SELENOV: variants seen among roughly 807,000 people sequenced by gnomAD.
SELENOV encodes the protein selenoprotein V.
In SELENOV, 25 loss-of-function variants were observed where a neutral mutation model predicts 21.6. The observed-to-expected ratio is 1.16, with a 90% CI of 0.84 to 1.62. The LOEUF (loss-of-function observed/expected upper bound fraction) is 1.62, where lower values mean the gene tolerates loss of function less well. Among genes scored for constraint, SELENOV ranks in the 40% most tolerant of loss-of-function variants. The pLI is 0.00. For synonymous variants in SELENOV, 227 were observed against 216.9 expected, an observed-to-expected ratio of 1.05 and a Z score of -0.41; for missense variants, 472 against 459.0, an observed-to-expected ratio of 1.03 and a Z score of -0.26.
At chr19:39,517,416 G>C (rs912884281) in intron 1 of SELENOV, among the ~76,000 whole-genome samples, 4 of 151,926 alleles carry the variant, frequency 2.6e-5, no homozygotes, top group Non-Finnish European at 2.9e-5. Flanking sequence ...GGTGTGGAGG[G>C]GCAAGCAAAA....
At chr19:39,517,482 T>C (rs531459510) in intron 1 of SELENOV, among the ~76,000 whole-genome samples, 10 of 152,030 alleles carry the variant, frequency 6.6e-5, no homozygotes, top group Admixed American at 1.3e-4. Context: ...TGATCCGTAC[T>C]GTGAACAAAA....
chr19:39,519,540 C>T (rs2079718067), intron 5 of SELENOV, among the ~76,000 whole-genome samples: 1 of 151,916 alleles, frequency 6.6e-6, no homozygotes, highest in Non-Finnish European at 1.5e-5. Context: ...GTGGCTCACG[C>T]CTGTAATCCC....
chr19:39,519,490 T>G (rs9989713), intron 5 of SELENOV, among the ~76,000 whole-genome samples: 13,710 of 150,994 alleles, frequency 0.091, 714 homozygotes, highest in East Asian at 0.16. Flanking sequence ...CTACAAAAAA[T>G]AATAAATAAA....
In SELENOV at chr19:39,515,319, C is replaced by T; in HGVS notation, c.107C>T (p.Pro36Leu). The T allele has an allele frequency of 1.3e-6, 2 of 1,551,312 alleles. No homozygotes were observed. The highest frequency in any genetic ancestry group is 8.7e-7 in the Non-Finnish European group (1 of 1,146,818). Residue 36 changes from proline (P) to leucine (L), a missense_variant, in exon 1 of 6, where the codon CCG becomes CTG. Pro to Leu is a moderately conservative substitution (Grantham distance 98, BLOSUM62 -3). Transcript: ENST00000335426. This position sits in a 1 kb window ranked among gnomAD's most constrained non-coding sequence, Gnocchi z 5.1. ...CCGACTCCACTCCGGACCCCGACTC[C>T]GGTCCGGACTCGGACCCCCATCCGG...
At chr19:39,518,549 T>C (rs984569179) in intron 1 of SELENOV, 59 bp from the exon 2 acceptor site, 1 of 1,521,694 alleles carries the variant, frequency 6.6e-7, no homozygotes, top group Non-Finnish European at 9.0e-7. Context: ...GGGAAGATAC[T>C]GATGCGGTGT....
At position 39,515,616 on chromosome 19, in the gene SELENOV, G is replaced by A; in HGVS notation, c.404G>A (p.Arg135Gln). 1 of 1,548,348 alleles carries A rather than the reference G, an allele frequency of 6.5e-7. No homozygotes were observed. The change falls in exon 1 of 6, where the codon CGG (arginine) becomes CAG (glutamine). Residue 135 changes from arginine (R) to glutamine (Q), a missense_variant. Transcript: ENST00000335426. This position sits in a 1 kb window ranked among gnomAD's most constrained non-coding sequence, Gnocchi z 5.1. ...CCAGCCCAGCTCCTGGCAGGGATTC[G>A]GGCCGCGCTCCCCGTCTTGGACTCC...
intron 1 of SELENOV, among the ~76,000 whole-genome samples, chr19:39,517,384 G>A (rs1420820065): frequency 6.6e-6 from 1 of 152,096 alleles, no homozygotes; most frequent in African/African-American, 2.4e-5. Context: ...CGAGATCCCC[G>A]TCCTTGTGGC....
At chr19:39,517,958 C>G (rs1210942170) in intron 1 of SELENOV, among the ~76,000 whole-genome samples, 7 of 20,528 alleles carry the variant, frequency 3.4e-4, no homozygotes, top group African/African-American at 1.3e-3. Flanking sequence ...GAGCAAGACT[C>G]TGTCTCAAAA....
At position 39,519,190 on chromosome 19, in the gene SELENOV, G is replaced by A; in HGVS notation, c.*22+20G>A. Reference sequence around the variant, plus strand: ...CTGGAGGTGAGCGTGGAGCTCCCAAGGCTGCGGTGGGAGGGGTGGAGGCCG... The same window carrying A: ...CTGGAGGTGAGCGTGGAGCTCCCAAAGCTGCGGTGGGAGGGGTGGAGGCCG... On this transcript the variant is annotated intron_variant, in intron 5 of 5. Coordinates refer to ENST00000335426, the Ensembl canonical transcript of SELENOV. 6.4e-7 allele frequency: 1 copy of A among 1,570,054 alleles called. No homozygotes were observed. The highest frequency in any genetic ancestry group is 8.8e-7 in the Non-Finnish European group (1 of 1,142,824).
chr19:39,519,159 G>A, exon 5 of SELENOV: 3 of 1,613,156 alleles, frequency 1.9e-6, no homozygotes, highest in Non-Finnish European at 2.5e-6. Context: ...CCGGCAAGGG[G>A]TGGAGCTGGA....
At chr19:39,516,113 T>C (rs1359977829) in intron 1 of SELENOV, 92 bp downstream of exon 1, 1 of 1,143,534 alleles carries the variant, frequency 8.7e-7, no homozygotes, top group Admixed American at 2.0e-5. Context: ...AGGGTTGGGG[T>C]AGGGCGAGGG....
In SELENOV at chr19:39,517,991, A is replaced by AG. The variant is rs1555756163; in HGVS notation, c.810-616dup. On this transcript the variant is annotated intron_variant, in intron 1 of 5. Coordinates refer to ENST00000335426, the Ensembl canonical transcript of SELENOV. Reference sequence around the variant, plus strand: ...AAAAAAAAAAAAAAAAAAAAAAAAAAGCCCAGCGCGGTGGCTCACGCCTGT... The same window carrying AG: ...AAAAAAAAAAAAAAAAAAAAAAAAAAGGCCCAGCGCGGTGGCTCACGCCTGT... Among the ~76,000 whole-genome samples the AG allele has an allele frequency of 1.1e-4, 10 of 92,090 alleles. 3 individuals carry two copies. In the South Asian group the frequency reaches 2.5e-3, roughly 23 times the overall value. 60.4% of individuals were successfully genotyped at this position (92,090 alleles called of 152,430 possible).
At chr19:39,519,235 G>A in intron 5 of SELENOV, 65 bp downstream of exon 5, 1 of 1,100,908 alleles carries the variant, frequency 9.1e-7, no homozygotes. Flanking sequence ...ATGGGGCAGG[G>A]CTCTGTCTCA....
rs1018391496 is a variant in SELENOV at position 39,515,436 on chromosome 19, C to T, written c.224C>T (p.Thr75Ile). Residue 75 changes from threonine to isoleucine, a missense_variant, in exon 1 of 6, where the codon ACT (threonine) becomes ATT (isoleucine). By Grantham distance (89) the Thr-to-Ile change is moderately conservative (BLOSUM62 -1). Transcript: ENST00000335426. The surrounding 1 kb of genome is among the most constrained non-coding windows in gnomAD (Gnocchi z 5.1). ...GCCCAGATTCCCACTCTGGTCCCCACTCCCGCTCTGGCCCGGATCCCCCGT... is the reference window on the plus strand; with the variant it reads ...GCCCAGATTCCCACTCTGGTCCCCATTCCCGCTCTGGCCCGGATCCCCCGT... 13 of 1,551,536 alleles carry T rather than the reference C, an allele frequency of 8.4e-6. No individual in the cohort carries two copies. The African/African-American group carries it at 1.6e-4, about 20-fold the overall frequency.
Position 39,515,251 on chromosome 19 carries a change from G to T in SELENOV, c.39G>T (p.Ala13=). 6.5e-7 allele frequency: 1 copy of T among 1,550,006 alleles called. No individual in the cohort carries two copies. The highest frequency in any genetic ancestry group is 8.7e-7 in the Non-Finnish European group (1 of 1,146,662). ...CGCGGACCCCAGCCCCCTCCTCGGC[G>T]CGGACTTCAACCTCAGTCCGGGCTT... Residue 13 remains alanine (A), a synonymous_variant, in exon 1 of 6, where the codon GCG becomes GCT. Transcript: ENST00000335426. The surrounding 1 kb of genome is among the most constrained non-coding windows in gnomAD (Gnocchi z 5.1).
chr19:39,519,869 G>A (rs1234860203), intron 5 of SELENOV, among the ~76,000 whole-genome samples: 1 of 151,374 alleles, frequency 6.6e-6, no homozygotes, highest in Non-Finnish European at 1.5e-5. Context: ...GAAGGCTGAG[G>A]CAGGAGAATG....
exon 3 of SELENOV, chr19:39,518,756 A>G (rs56149652): frequency 0.25 from 400,636 of 1,612,910 alleles, 50,609 homozygotes; most frequent in East Asian, 0.34. Context: ...CTACTGAAAA[A>G]GAGCCTGGAG....
Position 39,515,421 on chromosome 19 carries a change from C to T in SELENOV, c.209C>T (p.Pro70Leu), listed in dbSNP as rs939554396. Residue 70 changes from proline (P) to leucine (L), a missense_variant, in exon 1 of 6, where the codon CCC becomes CTC. Transcript: ENST00000335426. The surrounding 1 kb of genome is among the most constrained non-coding windows in gnomAD (Gnocchi z 5.1). ...CTGACTCCTGCTCCAGCCCAGATTC[C>T]CACTCTGGTCCCCACTCCCGCTCTG... The T allele has an allele frequency of 1.9e-6, 3 of 1,551,440 alleles. No homozygotes were observed. Among genetic ancestry groups the T allele is most frequent in the East Asian group, 2.4e-5 (1 of 40,920 alleles).
Position 39,515,591 on chromosome 19 carries a change from C to G in SELENOV, c.379C>G (p.Pro127Ala), listed in dbSNP as rs1358567732. The G allele has an allele frequency of 6.5e-7, 1 of 1,549,046 alleles. No homozygotes were observed. The highest frequency in any genetic ancestry group is 1.7e-4 in the Middle Eastern group (1 of 6,014). Reference sequence around the variant, plus strand: ...TCCAGTCCGGGTCCCAGCCCCAGCCCCAGCCCAGCTCCTGGCAGGGATTCG... The same window carrying G: ...TCCAGTCCGGGTCCCAGCCCCAGCCGCAGCCCAGCTCCTGGCAGGGATTCG... The change falls in exon 1 of 6, where the codon CCA becomes GCA. Residue 127 changes from proline (P) to alanine (A), a missense_variant. Coordinates refer to ENST00000335426, the Ensembl canonical transcript of SELENOV. This position sits in a 1 kb window ranked among gnomAD's most constrained non-coding sequence, Gnocchi z 5.1.
Sources: gnomAD v4.1 joint callset for allele counts (sites outside exome capture counted in the v4.1 genomes callset) on GRCh38, gnomAD v4.1.1 for gene constraint, Gnocchi (gnomAD v3.1) non-coding constraint, MANE v1.5 for transcripts, NCBI Gene and HGNC (gene_info 2026-07-23, HGNC 2026-07-21) for gene names.